DPYD: variants seen among roughly 807,000 people sequenced by gnomAD.
DPYD encodes the protein dihydropyrimidine dehydrogenase [NADP(+)].
A neutral mutation model predicts 116.2 loss-of-function variants in DPYD; 109 were observed. That is an observed-to-expected ratio of 0.94 (90% CI 0.80 to 1.10). DPYD has a LOEUF of 1.10. Ranked by LOEUF, DPYD falls within the 50% of genes least tolerant of loss-of-function variation. DPYD has a pLI of 0.00. For synonymous variants in DPYD, 440 were observed against 432.0 expected, an observed-to-expected ratio of 1.02 and a Z score of -0.23; for missense variants, 1,302 against 1,254.5, an observed-to-expected ratio of 1.04 and a Z score of -0.57.
chr1:97,336,576 C>CT (rs1413592190), intron 16 of DPYD, among the ~76,000 whole-genome samples: 1 of 152,194 alleles, frequency 6.6e-6, no homozygotes, highest in African/African-American at 2.4e-5. Context: ...AGGCAAAACT[C>CT]TGTCTCTACT....
chr1:97,320,293 G>T (rs1207457318), intron 16 of DPYD, among the ~76,000 whole-genome samples: 1 of 139,548 alleles, frequency 7.2e-6, no homozygotes, highest in Non-Finnish European at 1.5e-5. Flanking sequence ...AAGTCAAATT[G>T]TCCCTGTTTG....
intron 3 of DPYD, among the ~76,000 whole-genome samples, chr1:97,798,810 A>T (rs1667712059): frequency 6.6e-6 from 1 of 152,018 alleles, no homozygotes; most frequent in Non-Finnish European, 1.5e-5. Context: ...TTAAAGTTTC[A>T]TCTGCTGTAT....
chr1:97,081,696 CT>C (rs1387859505), intron 22 of DPYD, among the ~76,000 whole-genome samples: 1 of 145,844 alleles, frequency 6.9e-6, no homozygotes, highest in Non-Finnish European at 1.5e-5. Context: ...CTTTCTTTTT[CT>C]TTTTCTTTTC....
rs561376665 is a variant in DPYD at position 97,175,583 on chromosome 1, C to A, written c.2622+17486G>T. On this transcript the variant is annotated intron_variant, in intron 20 of 22. Coordinates refer to ENST00000370192, the MANE Select transcript of DPYD (RefSeq NM_000110.4). ...CTTGGTGAATTCATTCAACAGAAGTCTTCTCCATTTTGGTGCCAAAGCGAT... is the reference window on the plus strand; with the variant it reads ...CTTGGTGAATTCATTCAACAGAAGTATTCTCCATTTTGGTGCCAAAGCGAT... Among the ~76,000 whole-genome samples, 5 of 152,268 alleles carry A rather than the reference C, an allele frequency of 3.3e-5. No individual in the cohort carries two copies. The East Asian group carries it at 9.7e-4, about 29-fold the overall frequency.
chr1:97,265,403 C>T (rs1191112913), intron 18 of DPYD: 1 of 152,138 alleles, frequency 6.6e-6, no homozygotes, highest in African/African-American at 2.4e-5. Context: ...TTTATTCTCT[C>T]CTCCCCACAG....
At chr1:97,815,177 T>C (rs1668537584) in intron 3 of DPYD, among the ~76,000 whole-genome samples, 1 of 152,144 alleles carries the variant, frequency 6.6e-6, no homozygotes, top group South Asian at 2.1e-4. Context: ...TTTGGGTTGT[T>C]ATTTACATAC....
intron 2 of DPYD, among the ~76,000 whole-genome samples, chr1:97,871,083 T>C (rs562029896): frequency 1.3e-5 from 2 of 151,990 alleles, no homozygotes; most frequent in African/African-American, 4.8e-5. Flanking sequence ...TTTTCCCATA[T>C]GCAAAGATGT....
At chr1:97,342,759 T>C (rs1415920145) in intron 16 of DPYD, among the ~76,000 whole-genome samples, 1 of 152,182 alleles carries the variant, frequency 6.6e-6, no homozygotes, top group Non-Finnish European at 1.5e-5. Flanking sequence ...GTAAGGGTGC[T>C]GTCAGTGGCA....
At chr1:97,272,294 C>A (rs1208039294) in intron 18 of DPYD, among the ~76,000 whole-genome samples, 1 of 152,140 alleles carries the variant, frequency 6.6e-6, no homozygotes, top group Non-Finnish European at 1.5e-5. Context: ...TCTGTTGCTT[C>A]TAGTCTGACT....
intron 8 of DPYD, among the ~76,000 whole-genome samples, chr1:97,643,725 C>G (rs1055376946): frequency 2.9e-4 from 44 of 152,140 alleles, no homozygotes; most frequent in Non-Finnish European, 5.9e-4. Flanking sequence ...AAATGTGGCA[C>G]ATATACACCA....
rs374317616 is a variant in DPYD at position 97,535,198 on chromosome 1, T to G, written c.1524+14362A>C. 1.5e-3 allele frequency among the ~76,000 whole-genome samples: 225 copies of G among 152,272 alleles called. 1 individual carries two copies. The Middle Eastern group carries it at 0.02, about 14-fold the overall frequency. ...TTTTTTGATCTGATCCTTTACAGCTTGTTTGAGATTCAACTTTACTAAATC... is the reference window on the plus strand; with the variant it reads ...TTTTTTGATCTGATCCTTTACAGCTGGTTTGAGATTCAACTTTACTAAATC... On this transcript the variant is annotated intron_variant, in intron 12 of 22. Coordinates refer to ENST00000370192, the MANE Select transcript of DPYD (RefSeq NM_000110.4).
chr1:97,411,248 C>T (rs1190861409), intron 14 of DPYD, among the ~76,000 whole-genome samples: 1 of 152,176 alleles, frequency 6.6e-6, no homozygotes, highest in African/African-American at 2.4e-5. Flanking sequence ...CAATGCCCAT[C>T]TCTGAGCTGG....
rs184498786 is a variant in DPYD at position 97,176,486 on chromosome 1, C to A, written c.2622+16583G>T. Among the ~76,000 whole-genome samples, 4 of 152,280 alleles carry A rather than the reference C, an allele frequency of 2.6e-5. No homozygotes were observed. In the East Asian group the frequency reaches 7.7e-4, roughly 29 times the overall value. On this transcript the variant is annotated intron_variant, in intron 20 of 22. Transcript: ENST00000370192. ...GTTTTTAGTAGGTGGGGCTGGGAGACCAAGGTCAGAAAAGAGCTGTCGGGA... is the reference window on the plus strand; with the variant it reads ...GTTTTTAGTAGGTGGGGCTGGGAGAACAAGGTCAGAAAAGAGCTGTCGGGA...
At chr1:97,544,210 C>A (rs1650652244) in intron 12 of DPYD, among the ~76,000 whole-genome samples, 1 of 152,166 alleles carries the variant, frequency 6.6e-6, no homozygotes, top group Non-Finnish European at 1.5e-5. Flanking sequence ...GAGGCCAGAA[C>A]TAAGTTAATG....
intron 3 of DPYD, among the ~76,000 whole-genome samples, chr1:97,766,622 A>G (rs1173575915): frequency 6.6e-6 from 1 of 152,178 alleles, no homozygotes; most frequent in Non-Finnish European, 1.5e-5. Context: ...AGGGGAAAGG[A>G]AAGGGGAAGG....
chr1:97,716,997 A>G (rs1662652847), intron 5 of DPYD, among the ~76,000 whole-genome samples: 1 of 152,002 alleles, frequency 6.6e-6, no homozygotes, highest in Admixed American at 6.6e-5. Flanking sequence ...TGATGTTTTG[A>G]TAGATGCATA....
chr1:97,388,665 A>G (rs531914231), intron 14 of DPYD, among the ~76,000 whole-genome samples: 5 of 152,292 alleles, frequency 3.3e-5, no homozygotes, highest in Admixed American at 3.3e-4. Context: ...AAGTCAGGCT[A>G]GAATGAATTG....
At chr1:97,462,379 G>C (rs1480340389) in intron 13 of DPYD, among the ~76,000 whole-genome samples, 2 of 152,128 alleles carry the variant, frequency 1.3e-5, no homozygotes, top group Non-Finnish European at 2.9e-5. Context: ...AAATTAATCA[G>C]AGTAGCTTCT....
At chr1:97,826,682 T>C (rs1571424380) in intron 3 of DPYD, among the ~76,000 whole-genome samples, 1 of 152,164 alleles carries the variant, frequency 6.6e-6, no homozygotes, top group Admixed American at 6.5e-5. Context: ...AATTCATTCA[T>C]AATTTCTGCA....
Sources: allele counts gnomAD v4.1 joint callset (sites outside exome capture counted in the v4.1 genomes callset), GRCh38; gene constraint gnomAD v4.1.1; transcripts MANE v1.5; gene names NCBI Gene and HGNC (gene_info 2026-07-23, HGNC 2026-07-21).